The following PCDHGA7 variants were observed in gnomAD, a reference collection of about 807,000 sequenced individuals.
PCDHGA7 encodes the protein protocadherin gamma-A7.
In PCDHGA7, 44 loss-of-function variants were observed where a neutral mutation model predicts 58.3. That is an observed-to-expected ratio of 0.75 (90% confidence interval 0.59 to 0.97). The LOEUF is 0.97. PCDHGA7 is among the 50% of genes least tolerant of loss of function. The pLI is 0.00. For synonymous variants in PCDHGA7, 516 were observed against 504.2 expected (o/e 1.02, Z -0.31); for missense variants, 1,266 against 1,188.7 (o/e 1.06, Z -0.96).
intron 1 of PCDHGA7, among the ~76,000 whole-genome samples, chr5:141,439,449 G>A (rs761506247): frequency 4.6e-5 from 7 of 152,184 alleles, no homozygotes; most frequent in Admixed American, 3.9e-4. Context: ...TATTGCGGGA[G>A]CAAGACTGCA....
chr5:141,478,326 C>T, intron 1 of PCDHGA7: 1 of 1,613,950 alleles, frequency 6.2e-7, no homozygotes, highest in Admixed American at 1.7e-5. Flanking sequence ...CTGTACCGAA[C>T]ACCAGGGCCC....
chr5:141,404,917 G>A (rs750464541), intron 1 of PCDHGA7: 37 of 1,613,652 alleles, frequency 2.3e-5, no homozygotes, highest in Middle Eastern at 3.3e-4. Flanking sequence ...CCCCTCTCTC[G>A]GCCACTGTCA....
At chr5:141,474,361 T>C (rs2099347915) in intron 1 of PCDHGA7, among the ~76,000 whole-genome samples, 2 of 152,210 alleles carry the variant, frequency 1.3e-5, no homozygotes, top group South Asian at 2.1e-4. Context: ...CATGTCTCAG[T>C]AGGTCTAGAG....
intron 1 of PCDHGA7, chr5:141,422,813 TAGAACTG>T: frequency 6.2e-7 from 1 of 1,614,192 alleles, no homozygotes; most frequent in Non-Finnish European, 8.5e-7. Flanking sequence ...TTTCGAGACT[TAGAACTG>T]AGAGTGATAG....
intron 1 of PCDHGA7, among the ~76,000 whole-genome samples, chr5:141,492,996 AG>A: frequency 6.6e-6 from 1 of 152,348 alleles, no homozygotes; most frequent in Admixed American, 6.5e-5. Flanking sequence ...GCAGATGGAA[AG>A]CTATAGGCTC....
In PCDHGA7 at chr5:141,385,336, C is replaced by T. The variant is rs866774654; in HGVS notation, c.2424+13C>T. 2.5e-6 allele frequency: 4 copies of T among 1,579,494 alleles called. No homozygotes were observed. In the African/African-American group the frequency reaches 5.4e-5, roughly 22 times the overall value. ...GCCAAGTATTCAGGTGAGCCCAGCC[C>T]TTCCTTTATTTCCATGAGGAATTTA... On this transcript the variant is annotated intron_variant, in intron 1 of 3. Coordinates refer to ENST00000518325, the MANE Select transcript of PCDHGA7 (RefSeq NM_018920.4).
At chr5:141,474,998 T>C (rs1029967243) in intron 1 of PCDHGA7, among the ~76,000 whole-genome samples, 1 of 152,260 alleles carries the variant, frequency 6.6e-6, no homozygotes, top group Non-Finnish European at 1.5e-5. Context: ...CAATTCTAAA[T>C]GCAGAAAAGT....
rs946798767 is a variant in PCDHGA7 at position 141,438,591 on chromosome 5, C to CATATAT, written c.2424+53308_2424+53313dup. Among the ~76,000 whole-genome samples the CATATAT allele has an allele frequency of 1.5e-3, 111 of 75,470 alleles. 1 individual carries two copies. Among genetic ancestry groups the CATATAT allele is most frequent in the Non-Finnish European group, 2.3e-3 (84 of 37,244 alleles). 49.5% of individuals were successfully genotyped at this position (75,470 alleles called of 152,430 possible). A position where few individuals can be genotyped will look rare whatever the true frequency, so the allele number is the denominator to read the frequency against. ...TCTGATATACATACATACATACATA[C>CATATAT]ATATATATATATATATATATATATA... On this transcript the variant is annotated intron_variant, in intron 1 of 3. Transcript: ENST00000518325.
At chr5:141,427,722 G>C (rs755543438) in intron 1 of PCDHGA7, 7 of 1,120,986 alleles carry the variant, frequency 6.2e-6, no homozygotes, top group Non-Finnish European at 9.3e-6. Context: ...CCTGGACCTA[G>C]GGCTGAATGG....
chr5:141,428,116 A>G, intron 1 of PCDHGA7: 1 of 1,607,216 alleles, frequency 6.2e-7, no homozygotes, highest in Non-Finnish European at 8.5e-7. Flanking sequence ...CAGGCCATCG[A>G]GCCCGGGCTT....
intron 1 of PCDHGA7, chr5:141,405,066 T>G: frequency 1.2e-6 from 2 of 1,613,866 alleles, no homozygotes; most frequent in South Asian, 2.2e-5. Context: ...TGTGTCTTCC[T>G]CACCTTCGTT....
chr5:141,491,138 C>T lies in PCDHGA7; in HGVS notation c.2425-3669C>T. The T allele has an allele frequency of 1.2e-6, 2 of 1,614,106 alleles. No individual in the cohort carries two copies. The highest frequency in any genetic ancestry group is 1.7e-6 in the Non-Finnish European group (2 of 1,179,962). On this transcript the variant is annotated intron_variant, in intron 1 of 3. Transcript: ENST00000518325. The surrounding 1 kb of genome is among the most constrained non-coding windows in gnomAD (Gnocchi z 6.9). ...ACTGGTGAGGTGCGCACAGCCCGGG[C>T]CTTACTGGAGGATGACTCTGACACC...
At position 141,450,006 on chromosome 5, in the gene PCDHGA7, C is replaced by CTAT. The variant is rs70988802; in HGVS notation, c.2425-44800_2425-44799insATT. ...CACATTGCATTTAGTTGCCATGTCT[C>CTAT]TTTTTTTTTTTTTTTTTTGAGACAG... On this transcript the variant is annotated intron_variant, in intron 1 of 3. Transcript: ENST00000518325. Among the ~76,000 whole-genome samples the CTAT allele has an allele frequency of 2.5e-4, 33 of 132,964 alleles. 6 individuals are homozygous for CTAT. Among genetic ancestry groups the CTAT allele is most frequent in the Non-Finnish European group, 2.9e-4 (18 of 62,916 alleles). The allele number at this position is 132,964 out of a possible 152,430, so 87.2% of individuals were successfully genotyped here. A position where few individuals can be genotyped will look rare whatever the true frequency, so the allele number is the denominator to read the frequency against.
chr5:141,397,372 G>C (rs1014875277), intron 1 of PCDHGA7, among the ~76,000 whole-genome samples: 1 of 152,012 alleles, frequency 6.6e-6, no homozygotes, highest in Non-Finnish European at 1.5e-5. Context: ...AGATGTTTGG[G>C]GATTGGTATA....
rs2097403311 is a variant in PCDHGA7 at position 141,431,640 on chromosome 5, T to C, written c.2424+46317T>C. 6.2e-7 allele frequency: 1 copy of C among 1,614,094 alleles called. No individual in the cohort carries two copies. The highest frequency in any genetic ancestry group is 8.5e-7 in the Non-Finnish European group (1 of 1,180,040). On this transcript the variant is annotated intron_variant, in intron 1 of 3. Coordinates refer to ENST00000518325, the MANE Select transcript of PCDHGA7 (RefSeq NM_018920.4). This position sits in a 1 kb window ranked among gnomAD's most constrained non-coding sequence, Gnocchi z 4.8. ...GACAAGGCGGCCCAAGTTTTCAAACTAGATTGTAATTCAGGGACAATATCA... is the reference window on the plus strand; with the variant it reads ...GACAAGGCGGCCCAAGTTTTCAAACCAGATTGTAATTCAGGGACAATATCA...
intron 1 of PCDHGA7, chr5:141,428,361 C>T (rs1285334430): frequency 9.0e-6 from 5 of 556,646 alleles, no homozygotes; most frequent in South Asian, 7.5e-5. Context: ...TTTTGGCGGT[C>T]GCCTTGCACC....
chr5:141,487,936 G>C lies in PCDHGA7; in HGVS notation c.2425-6871G>C. On this transcript the variant is annotated intron_variant, in intron 1 of 3. Coordinates refer to ENST00000518325, the MANE Select transcript of PCDHGA7 (RefSeq NM_018920.4). This position sits in a 1 kb window ranked among gnomAD's most constrained non-coding sequence, Gnocchi z 5.0. The stretch of plus-strand genomic sequence containing the variant: ...AGGAGGCTACAGTGCACAGGGTACA[G>C]TGCACCAGGCAGTCACTTGGACAAA... 4.9e-6 allele frequency: 3 copies of C among 607,906 alleles called. No homozygotes were observed. The highest frequency in any genetic ancestry group is 3.7e-5 in the African/African-American group (2 of 54,158). 37.7% of individuals were successfully genotyped at this position (607,906 alleles called of 1,614,324 possible). A position where few individuals can be genotyped will look rare whatever the true frequency, so the allele number is the denominator to read the frequency against.
chr5:141,389,777 C>G (rs771585855), intron 1 of PCDHGA7: 68 of 1,613,174 alleles, frequency 4.2e-5, no homozygotes, highest in Non-Finnish European at 5.7e-5. Context: ...GTGCCTTAGG[C>G]GACAGGGACG....
chr5:141,383,072 AG>A lies in PCDHGA7; in HGVS notation c.174del (p.Glu58AspfsTer20), dbSNP rs747790551. ...AAGGACCTGGGGCTGGAGCCCCGGG[AG>A]CTGGCGGAGCGCGGAGTCCGCATCA... ...IAKDLGLEPR[E>X]LAERGVRIIS... On this transcript the variant is annotated frameshift_variant, in exon 1 of 4. Transcript: ENST00000518325. LOFTEE classifies it high-confidence loss of function. The A allele has an allele frequency of 4.3e-6, 7 of 1,613,710 alleles. No homozygotes were observed. In the African/African-American group the frequency reaches 6.7e-5, roughly 15 times the overall value.
Sources: gnomAD v4.1 joint callset for allele counts (sites outside exome capture counted in the v4.1 genomes callset) on GRCh38, gnomAD v4.1.1 for gene constraint, Gnocchi (gnomAD v3.1) non-coding constraint, MANE v1.5 for transcripts, NCBI Gene and HGNC (gene_info 2026-07-23, HGNC 2026-07-21) for gene names.